The following MAFG variants were observed in gnomAD, a reference collection of about 807,000 sequenced individuals.
The protein encoded by MAFG is transcription factor MafG.
In MAFG, 3 loss-of-function variants were observed where a neutral mutation model predicts 12.2. The observed-to-expected ratio is 0.25, with a 90% CI of 0.11 to 0.64. The LOEUF (loss-of-function observed/expected upper bound fraction) is 0.64. MAFG is among the 30% of genes least tolerant of loss of function. MAFG has a pLI of 0.85. For synonymous variants in MAFG, 126 were observed against 109.1 expected, an observed-to-expected ratio of 1.15 and a Z score of -0.96; for missense variants, 153 against 235.5, an observed-to-expected ratio of 0.65 and a Z score of 2.29.
chr17:81,927,585 G>T lies in MAFG; in HGVS notation c.-87C>A, dbSNP rs1235288938. On this transcript the variant is annotated 5_prime_UTR_variant, in exon 1 of 3. Coordinates refer to ENST00000357736, the MANE Select transcript of MAFG (RefSeq NM_002359.4). Reference sequence around the variant, plus strand: ...CGGGGCGGGGCCGCGCGCGCTCCGAGGCCGCGCGGGGCAGGGACCGGCGCG... The same window carrying T: ...CGGGGCGGGGCCGCGCGCGCTCCGATGCCGCGCGGGGCAGGGACCGGCGCG... The T allele has an allele frequency of 5.5e-5, 8 of 145,582 alleles. No homozygotes were observed. The highest frequency in any genetic ancestry group is 1.1e-4 in the Non-Finnish European group (7 of 65,464). 9.0% of individuals were successfully genotyped at this position (145,582 alleles called of 1,614,324 possible).
In MAFG at chr17:81,921,952, C is replaced by G. The variant is rs1191967714; in HGVS notation, c.*653G>C. 2.6e-5 allele frequency: 4 copies of G among 152,258 alleles called. No individual in the cohort carries two copies. The highest frequency in any genetic ancestry group is 5.9e-5 in the Non-Finnish European group (4 of 68,056). The allele number at this position is 152,258 out of a possible 1,614,324, so 9.4% of individuals were successfully genotyped here. Reference sequence around the variant, plus strand: ...GACACGGGACCCATCGCAGGGCACACTGGACCCACCCTCACGTTAAGCGCA... The same window carrying G: ...GACACGGGACCCATCGCAGGGCACAGTGGACCCACCCTCACGTTAAGCGCA... On this transcript the variant is annotated 3_prime_UTR_variant, in exon 3 of 3. Transcript: ENST00000357736.
At chr17:81,923,368 C>T in intron 1 of MAFG, 154 bp from the exon 2 acceptor site, 1 of 549,762 alleles carries the variant, frequency 1.8e-6, no homozygotes, top group South Asian at 2.5e-5. Flanking sequence ...AGGAGGCAGC[C>T]CTTGGCCTCT....
upstream of MAFG, among the ~76,000 whole-genome samples, chr17:81,929,312 C>A (rs773563661): frequency 1.1e-4 from 16 of 152,218 alleles, no homozygotes; most frequent in Non-Finnish European, 1.6e-4. The surrounding 1 kb of genome is among the most constrained non-coding windows in gnomAD (Gnocchi z 5.7). Context: ...GCTGCCCAGG[C>A]TCCTTTGCTG....
At position 81,922,774 on chromosome 17, in the gene MAFG, A is replaced by T; in HGVS notation, c.320T>A (p.Leu107Gln). The part of the protein sequence containing the change: ...NASMKLELDA[L>Q]RSKYEALQTF... ...CTGCAGCGCCTCGTACTTGGAGCGC[A>T]GCGCGTCGAGCTCCAGCTTCATGCT... The change falls in exon 3 of 3, where the codon CTG (leucine) becomes CAG (glutamine). Residue 107 changes from leucine to glutamine, a missense_variant. By Grantham distance (113) the Leu-to-Gln change is moderately radical. This residue lies in a region of MAFG where 81 missense variants were observed against 94.7 expected (regional missense o/e 0.86). Transcript: ENST00000357736. 1 of 1,597,584 alleles carries T rather than the reference A, an allele frequency of 6.3e-7. No individual in the cohort carries two copies. Among genetic ancestry groups the T allele is most frequent in the Non-Finnish European group, 8.5e-7 (1 of 1,172,132 alleles).
rs1482830140 is a variant in MAFG at position 81,919,349 on chromosome 17, C to T, written c.*3256G>A. 1.3e-5 allele frequency: 2 copies of T among 152,292 alleles called. No individual in the cohort carries two copies. Among genetic ancestry groups the T allele is most frequent in the African/African-American group, 2.4e-5 (1 of 41,462 alleles). 9.4% of individuals were successfully genotyped at this position (152,292 alleles called of 1,614,324 possible). On this transcript the variant is annotated 3_prime_UTR_variant, in exon 3 of 3. Coordinates refer to ENST00000357736, the MANE Select transcript of MAFG (RefSeq NM_002359.4). ...AAAGCAGGCTGCAGCCGCTCAGGGCCGTGGGCCGGGCCCTGATCACCAGTC... is the reference window on the plus strand; with the variant it reads ...AAAGCAGGCTGCAGCCGCTCAGGGCTGTGGGCCGGGCCCTGATCACCAGTC...
upstream of MAFG, among the ~76,000 whole-genome samples, chr17:81,931,069 A>C (rs1392496106): frequency 6.6e-6 from 1 of 152,048 alleles, no homozygotes; most frequent in South Asian, 2.1e-4. Flanking sequence ...CAGACTTCTC[A>C]CGCACGTCAG....
chr17:81,918,409 T>G lies in MAFG; in HGVS notation c.*4196A>C. On this transcript the variant is annotated 3_prime_UTR_variant, in exon 3 of 3. Coordinates refer to ENST00000357736, the MANE Select transcript of MAFG (RefSeq NM_002359.4). Reference sequence around the variant, plus strand: ...TGGACAATAATTTAGCAATAAATACTGCGCAGGGCAGGGGTAGGGCACCAA... The same window carrying G: ...TGGACAATAATTTAGCAATAAATACGGCGCAGGGCAGGGGTAGGGCACCAA... 1 of 254,240 alleles carries G rather than the reference T, an allele frequency of 3.9e-6. No individual in the cohort carries two copies. Among genetic ancestry groups the G allele is most frequent in the Non-Finnish European group, 7.6e-6 (1 of 132,318 alleles). The allele number at this position is 254,240 out of a possible 1,614,324, so 15.7% of individuals were successfully genotyped here. A position where few individuals can be genotyped will look rare whatever the true frequency, so the allele number is the denominator to read the frequency against.
chr17:81,925,705 G>A (rs2143825439), intron 1 of MAFG, among the ~76,000 whole-genome samples: 1 of 151,806 alleles, frequency 6.6e-6, no homozygotes, highest in Admixed American at 6.6e-5. Flanking sequence ...CTACTCGGGA[G>A]GCTGAGGCAG....
intron 1 of MAFG, 52 bp from the exon 2 acceptor site, chr17:81,923,266 C>G (rs374065055): frequency 2.1e-6 from 2 of 951,596 alleles, no homozygotes; most frequent in African/African-American, 2.3e-5. Flanking sequence ...CGCCGCACCC[C>G]CCCCCCCCCG....
upstream of MAFG, chr17:81,930,178 A>C (rs2040974537): frequency 6.6e-6 from 1 of 152,360 alleles, no homozygotes; most frequent in South Asian, 2.1e-4. The surrounding 1 kb of genome is among the most constrained non-coding windows in gnomAD (Gnocchi z 4.1). Context: ...CCTGGTCTCC[A>C]GGCAGGGCCC....
At position 81,925,996 on chromosome 17, in the gene MAFG, C is replaced by CTGTG. The variant is rs532478689; in HGVS notation, c.-30+1528_-30+1531dup. On this transcript the variant is annotated intron_variant, in intron 1 of 2. Transcript: ENST00000357736. ...TGGGGGGTGCTCACTGAGAATGGAC[C>CTGTG]TGTGTGTGTGTGTGTGTGTGTGTGT... Among the ~76,000 whole-genome samples the CTGTG allele has an allele frequency of 3.7e-3, 329 of 89,022 alleles. 5 individuals are homozygous for CTGTG. The highest frequency in any genetic ancestry group is 0.022 in the South Asian group (46 of 2,088). 58.4% of individuals were successfully genotyped at this position (89,022 alleles called of 152,430 possible).
At position 81,924,564 on chromosome 17, in the gene MAFG, C is replaced by G. The variant is rs1045670108; in HGVS notation, c.-29-1350G>C. The G allele has an allele frequency of 6.6e-5, 10 of 152,396 alleles. No homozygotes were observed. In the East Asian group the frequency reaches 1.9e-3, roughly 29 times the overall value. The allele number at this position is 152,396 out of a possible 1,614,324, so 9.4% of individuals were successfully genotyped here. On this transcript the variant is annotated intron_variant, in intron 1 of 2. Coordinates refer to ENST00000357736, the MANE Select transcript of MAFG (RefSeq NM_002359.4). The surrounding 1 kb of genome is among the most constrained non-coding windows in gnomAD (Gnocchi z 4.7). The stretch of plus-strand genomic sequence containing the variant: ...ATCCTCACCAGGCTCAAGACTCCAC[C>G]TCACCCAGCCTGGGACCAGGAGGTG...
chr17:81,929,576 C>G (rs1207129192), upstream of MAFG: 1 of 152,386 alleles, frequency 6.6e-6, no homozygotes, highest in Non-Finnish European at 1.5e-5. This position sits in a 1 kb window ranked among gnomAD's most constrained non-coding sequence, Gnocchi z 5.7. Flanking sequence ...CACGGAGAGC[C>G]CAGGACACTT....
Position 81,919,525 on chromosome 17 carries a change from G to A in MAFG, c.*3080C>T, listed in dbSNP as rs2040866549. ...TCTGAAATCTGAGCGTCCATGTTAGGATAAAAGAGGAGTTGGGGCAAAGTT... is the reference window on the plus strand; with the variant it reads ...TCTGAAATCTGAGCGTCCATGTTAGAATAAAAGAGGAGTTGGGGCAAAGTT... On this transcript the variant is annotated 3_prime_UTR_variant, in exon 3 of 3. Transcript: ENST00000357736. 6.6e-6 allele frequency: 1 copy of A among 152,320 alleles called. No homozygotes were observed. 9.4% of individuals were successfully genotyped at this position (152,320 alleles called of 1,614,324 possible).
chr17:81,918,681 T>TGG lies in MAFG; in HGVS notation c.*3922_*3923dup, dbSNP rs2040854712. ...CTCAGCGCCAGGAGAGCAACAGGGC[T>TGG]GGACACGCGGGCAGCCCTTGTCCTG... On this transcript the variant is annotated 3_prime_UTR_variant, in exon 3 of 3. Coordinates refer to ENST00000357736, the MANE Select transcript of MAFG (RefSeq NM_002359.4). 1 of 152,540 alleles carries TGG rather than the reference T, an allele frequency of 6.6e-6. No homozygotes were observed. Among genetic ancestry groups the TGG allele is most frequent in the Non-Finnish European group, 1.5e-5 (1 of 68,192 alleles). The allele number at this position is 152,540 out of a possible 1,614,324, so 9.4% of individuals were successfully genotyped here.
chr17:81,925,067 G>A lies in MAFG; in HGVS notation c.-29-1853C>T, dbSNP rs551727205. The stretch of plus-strand genomic sequence containing the variant: ...CCCTGAGCACAGCCAGTGCGTTCCA[G>A]GCTCCTGGCCTGGCCTCTGGACCTG... On this transcript the variant is annotated intron_variant, in intron 1 of 2. Coordinates refer to ENST00000357736, the MANE Select transcript of MAFG (RefSeq NM_002359.4). Among the ~76,000 whole-genome samples, 3 of 152,344 alleles carry A rather than the reference G, an allele frequency of 2.0e-5. No homozygotes were observed. In the South Asian group the frequency reaches 6.2e-4, roughly 32 times the overall value.
upstream of MAFG, among the ~76,000 whole-genome samples, chr17:81,929,044 AG>A (rs2040964568): frequency 6.6e-6 from 1 of 152,188 alleles, no homozygotes. This position sits in a 1 kb window ranked among gnomAD's most constrained non-coding sequence, Gnocchi z 5.7. Context: ...GTCAGGAGCC[AG>A]GGGTGATTGG....
In MAFG at chr17:81,921,019, T is replaced by C. The variant is rs573545683; in HGVS notation, c.*1586A>G. ...AAGACGGCCAGGGAACGCTTGGCCA[T>C]AGCCCTGTGGCCACCCACAGTGACT... On this transcript the variant is annotated 3_prime_UTR_variant, in exon 3 of 3. Coordinates refer to ENST00000357736, the MANE Select transcript of MAFG (RefSeq NM_002359.4). The C allele has an allele frequency of 6.6e-6, 1 of 152,436 alleles. No homozygotes were observed. The highest frequency in any genetic ancestry group is 2.4e-5 in the African/African-American group (1 of 41,550). 9.4% of individuals were successfully genotyped at this position (152,436 alleles called of 1,614,324 possible). A position where few individuals can be genotyped will look rare whatever the true frequency, so the allele number is the denominator to read the frequency against.
At position 81,926,290 on chromosome 17, in the gene MAFG, G is replaced by A. The variant is rs1161128775; in HGVS notation, c.-30+1238C>T. ...GTAGCGACAACTTTAGGGTGGCTGG[G>A]TGCTGCGTTCTGCCACCCTGTGCCA... On this transcript the variant is annotated intron_variant, in intron 1 of 2. Coordinates refer to ENST00000357736, the MANE Select transcript of MAFG (RefSeq NM_002359.4). This position sits in a 1 kb window ranked among gnomAD's most constrained non-coding sequence, Gnocchi z 4.6. 6.6e-6 allele frequency among the ~76,000 whole-genome samples: 1 copy of A among 152,110 alleles called. No homozygotes were observed. The highest frequency in any genetic ancestry group is 1.5e-5 in the Non-Finnish European group (1 of 68,020).
Sources: allele counts gnomAD v4.1 joint callset (sites outside exome capture counted in the v4.1 genomes callset), GRCh38; gene constraint gnomAD v4.1.1; regional missense constraint gnomAD v4.1.1; non-coding constraint Gnocchi (gnomAD v3.1); transcripts MANE v1.5; gene names NCBI Gene and HGNC (gene_info 2026-07-23, HGNC 2026-07-21).